LIMK1: variants seen among roughly 807,000 people sequenced by gnomAD.
The protein encoded by LIMK1 is LIM domain kinase 1.
A neutral mutation model predicts 77.6 loss-of-function variants in LIMK1; 21 were observed. The observed-to-expected ratio is 0.27, with a 90% CI of 0.19 to 0.39. The LOEUF is 0.39. LIMK1 is among the 10% of genes least tolerant of loss of function. The probability of loss-of-function intolerance (pLI) is 1.00; values close to 1 mark genes in which losing one functional copy is unlikely to be tolerated. For missense variants in LIMK1, 696 were observed against 901.6 expected (o/e 0.77, Z 2.92); for synonymous variants, 358 against 370.0 (o/e 0.97, Z 0.37).
intron 13 of LIMK1, among the ~76,000 whole-genome samples, chr7:74,117,752 G>T (rs959326488): frequency 1.3e-5 from 2 of 152,110 alleles, no homozygotes; most frequent in Admixed American, 1.3e-4. Context: ...CAAGGCTGCA[G>T]TGAGCTATGA....
At chr7:74,095,112 C>G (rs782185413) in intron 2 of LIMK1, among the ~76,000 whole-genome samples, 2 of 152,180 alleles carry the variant, frequency 1.3e-5, no homozygotes, top group South Asian at 4.1e-4. Flanking sequence ...ATGAGTGATA[C>G]CCATGCAGGC....
At chr7:74,102,484 C>CTTTTTTTTTTTTTTTTTTGTTTTTTT (rs1799484606) in intron 5 of LIMK1, among the ~76,000 whole-genome samples, 1 of 54,042 alleles carries the variant, frequency 1.9e-5, no homozygotes, top group Non-Finnish European at 3.5e-5. Flanking sequence ...AGGACCTTCT[C>CTTTTTTTTTTTTTTTTTTGTTTTTTT]TTTTTTTTTT....
intron 13 of LIMK1, among the ~76,000 whole-genome samples, chr7:74,118,108 AAAAC>A (rs569293374): frequency 1.6e-3 from 236 of 151,236 alleles, no homozygotes; most frequent in African/African-American, 5.5e-3. Flanking sequence ...GAAAAAAAAA[AAAAC>A]CTTCCTGTAA....
At position 74,111,687 on chromosome 7, in the gene LIMK1, A is replaced by G; in HGVS notation, c.1324A>G (p.Lys442Glu). Residue 442 changes from lysine to glutamate, a missense_variant, in exon 11 of 16, where the codon AAG becomes GAG. Transcript: ENST00000336180. Reference sequence around the variant, plus strand: ...ATGGAGCCAGAGAGTGAGCTTTGCCAAGGACATCGCATCAGGGATGGTGAG... The same window carrying G: ...ATGGAGCCAGAGAGTGAGCTTTGCCGAGGACATCGCATCAGGGATGGTGAG... ...YPWSQRVSFA[K>E]DIASGMAYLH... The G allele has an allele frequency of 6.2e-7, 1 of 1,613,394 alleles. No individual in the cohort carries two copies. Among genetic ancestry groups the G allele is most frequent in the Non-Finnish European group, 8.5e-7 (1 of 1,179,686 alleles).
rs1207429483 is a variant in LIMK1 at position 74,087,892 on chromosome 7, G to A, written c.152+2048G>A. ...GGCATGAGCCACTGCACCTGGCCTC[G>A]GTTTGTTTTTTTGTTTCTTCTTTTC... On this transcript the variant is annotated intron_variant, in intron 2 of 15. Transcript: ENST00000336180. 9.2e-5 allele frequency among the ~76,000 whole-genome samples: 14 copies of A among 151,526 alleles called. No individual in the cohort carries two copies. In the East Asian group the frequency reaches 2.0e-3, roughly 21 times the overall value.
chr7:74,118,199 AC>A (rs1799855156), intron 13 of LIMK1, among the ~76,000 whole-genome samples: 1 of 150,888 alleles, frequency 6.6e-6, no homozygotes, highest in South Asian at 2.1e-4. Flanking sequence ...ACATGATGAA[AC>A]CCCATCTCTA....
chr7:74,111,747 C>T lies in LIMK1; in HGVS notation c.1344+40C>T, dbSNP rs782115015. 5 of 1,591,020 alleles carry T rather than the reference C, an allele frequency of 3.1e-6. No homozygotes were observed. In the South Asian group the frequency reaches 4.5e-5, roughly 14 times the overall value. On this transcript the variant is annotated intron_variant, in intron 11 of 15. Coordinates refer to ENST00000336180, the MANE Select transcript of LIMK1 (RefSeq NM_002314.4). ...TGCTCTAGCTCCATTCATAATCCCA[C>T]CAGGAATTTGCAAACAGAACCCACA... is the stretch of plus-strand genomic sequence containing the variant.
At chr7:74,096,561 G>C (rs2527839) in intron 2 of LIMK1, 61 bp from the exon 3 acceptor site, 193,257 of 1,599,820 alleles carry the variant, frequency 0.12, 12,249 homozygotes, top group Non-Finnish European at 0.13. Flanking sequence ...GCCGAGGCAG[G>C]GGCCCAGGTG....
intron 13 of LIMK1, among the ~76,000 whole-genome samples, chr7:74,119,649 T>C (rs1331867616): frequency 6.6e-6 from 1 of 151,436 alleles, no homozygotes; most frequent in East Asian, 2.0e-4. Flanking sequence ...GGCTCACACC[T>C]GTAATCCCAG....
intron 2 of LIMK1, among the ~76,000 whole-genome samples, chr7:74,088,281 C>CA: frequency 6.6e-6 from 1 of 152,272 alleles, no homozygotes; most frequent in East Asian, 1.9e-4. Flanking sequence ...TGAAAGGAGA[C>CA]AGACAGCATG....
intron 13 of LIMK1, among the ~76,000 whole-genome samples, chr7:74,117,341 G>A (rs756341790): frequency 2.6e-4 from 39 of 151,932 alleles, no homozygotes; most frequent in Non-Finnish European, 4.0e-4. Flanking sequence ...GGACCCTTAC[G>A]GTGACATTGG....
intron 5 of LIMK1, among the ~76,000 whole-genome samples, chr7:74,102,484 C>CTCTTTTTTTTTTTTTTTTTTTTTTTTTT (rs1554696729): frequency 7.4e-5 from 4 of 54,044 alleles, no homozygotes; most frequent in Non-Finnish European, 1.1e-4. Flanking sequence ...AGGACCTTCT[C>CTCTTTTTTTTTTTTTTTTTTTTTTTTTT]TTTTTTTTTT....
rs782631807 is a variant in LIMK1, at chr7:74,099,205, G to A, written c.575G>A (p.Gly192Asp). Residue 192 changes from glycine (G) to aspartate (D), a missense_variant, in exon 5 of 16, where the codon GGC (glycine) becomes GAC (aspartate). Gly to Asp is a moderately conservative substitution (Grantham distance 94, BLOSUM62 -1). This residue lies in a region of LIMK1 where 252 missense variants were observed against 279.4 expected (regional missense o/e 0.90). Transcript: ENST00000336180. The part of the protein sequence containing the change: ...IDPPHGPPGC[G>D]TEHSHTVRVQ... ...CCCCCGCACGGCCCACCGGGCTGTG[G>A]CACCGAGCACTCACACACCGTCCGC... The A allele has an allele frequency of 1.2e-6, 2 of 1,608,846 alleles. No individual in the cohort carries two copies. Among genetic ancestry groups the A allele is most frequent in the Non-Finnish European group, 1.7e-6 (2 of 1,179,988 alleles).
intron 1 of LIMK1, among the ~76,000 whole-genome samples, chr7:74,084,948 C>G (rs1554693860): frequency 6.6e-6 from 1 of 152,218 alleles, no homozygotes; most frequent in African/African-American, 2.4e-5. Flanking sequence ...CCCTGCCTAC[C>G]TAAGGTACCT....
At chr7:74,086,508 C>T (rs1563909812) in intron 2 of LIMK1, among the ~76,000 whole-genome samples, 1 of 152,126 alleles carries the variant, frequency 6.6e-6, no homozygotes, top group Non-Finnish European at 1.5e-5. Context: ...TATAGGTATA[C>T]ACCACAATGC....
chr7:74,099,452 C>T (rs1391202096), intron 5 of LIMK1, among the ~76,000 whole-genome samples: 1 of 152,190 alleles, frequency 6.6e-6, no homozygotes, highest in Non-Finnish European at 1.5e-5. Flanking sequence ...CATTTTCAAC[C>T]GGGCATGGTG....
chr7:74,121,609 A>C lies in LIMK1; in HGVS notation c.*308A>C. 1 of 353,610 alleles carries C rather than the reference A, an allele frequency of 2.8e-6. No homozygotes were observed. The allele number at this position is 353,610 out of a possible 1,614,324, so 21.9% of individuals were successfully genotyped here. On this transcript the variant is annotated 3_prime_UTR_variant, in exon 16 of 16. Transcript: ENST00000336180. Reference sequence around the variant, plus strand: ...GCCTGTGTGAGTTACGCCCCTTTCCACACGCCGCTGCCCCAGCAACCCTGT... The same window carrying C: ...GCCTGTGTGAGTTACGCCCCTTTCCCCACGCCGCTGCCCCAGCAACCCTGT...
At chr7:74,085,708 C>G in intron 1 of LIMK1, 40 bp from the exon 2 acceptor site, 1 of 1,513,324 alleles carries the variant, frequency 6.6e-7, no homozygotes. Context: ...CCAGATCACA[C>G]TTCCTGAGAA....
At chr7:74,115,716 A>G (rs149618) in intron 12 of LIMK1, 86 bp from the exon 13 acceptor site, 1,383,711 of 1,459,138 alleles carry the variant, frequency 0.95, 656,539 homozygotes, top group East Asian at 0.96. Context: ...GGCTGTCTAC[A>G]GGTTGGCTTG....
Sources: gnomAD v4.1 joint callset for allele counts (sites outside exome capture counted in the v4.1 genomes callset) on GRCh38, gnomAD v4.1.1 for gene constraint, gnomAD v4.1.1 regional missense constraint, MANE v1.5 for transcripts, NCBI Gene and HGNC (gene_info 2026-07-23, HGNC 2026-07-21) for gene names.